The following PHF3 variants were observed in gnomAD, a reference collection of about 807,000 sequenced individuals.
PHF3 encodes PHD finger protein 3.
PHF3 carries 41 observed loss-of-function variants against 178.4 expected under a neutral mutation model. The ratio of observed to expected loss-of-function variants is 0.23; its 90% CI spans 0.18 to 0.30. The LOEUF is 0.30. Ranked by LOEUF, PHF3 falls within the 10% of genes least tolerant of loss-of-function variation. The pLI, the probability that PHF3 is intolerant of heterozygous loss-of-function variation, is 1.00. For synonymous variants in PHF3, 842 were observed against 800.5 expected (o/e 1.05, Z -0.88); for missense variants, 2,346 against 2,398.1 (o/e 0.98, Z 0.45).
rs749177977 is a variant in PHF3 at position 63,713,216 on chromosome 6, A to T, written c.5628A>T (p.Ser1876=). The part of the protein sequence containing the change: ...QRMMGPLSQA[S]RYIGPQNFYQ... Reference sequence around the variant, plus strand: ...TGATGGGTCCTCTCTCACAAGCATCAAGGTATATAGGCCCGCAGAATTTTT... The same window carrying T: ...TGATGGGTCCTCTCTCACAAGCATCTAGGTATATAGGCCCGCAGAATTTTT... Residue 1876 remains serine (S), a synonymous_variant, in exon 16 of 16, where the codon TCA becomes TCT. Transcript: ENST00000262043. 21 of 1,613,972 alleles carry T rather than the reference A, an allele frequency of 1.3e-5. No homozygotes were observed. In the South Asian group the frequency reaches 2.2e-4, roughly 17 times the overall value.
rs372006795 is a variant in PHF3, at chr6:63,713,003, T to G, written c.5415T>G (p.Leu1805=). 4.3e-6 allele frequency: 7 copies of G among 1,613,768 alleles called. No homozygotes were observed. The highest frequency in any genetic ancestry group is 5.9e-6 in the Non-Finnish European group (7 of 1,179,924). ...FSPMRPQQPN[L]QHLKSSPPGF... ...CCATGAGGCCACAGCAGCCCAACCT[T>G]CAGCATCTCAAGTCTAGCCCACCTG... The change falls in exon 16 of 16, where the codon CTT becomes CTG. Residue 1805 remains leucine (L), a synonymous_variant. Transcript: ENST00000262043.
At chr6:63,669,902 T>G (rs975629495) in intron 2 of PHF3, among the ~76,000 whole-genome samples, 1 of 152,224 alleles carries the variant, frequency 6.6e-6, no homozygotes, top group Non-Finnish European at 1.5e-5. Flanking sequence ...TTTACCTAGG[T>G]ATGTTTATCA....
intron 1 of PHF3, among the ~76,000 whole-genome samples, chr6:63,638,171 T>G (rs1047207699): frequency 2.0e-5 from 3 of 152,178 alleles, no homozygotes; most frequent in Non-Finnish European, 4.4e-5. Flanking sequence ...AACTATGTTA[T>G]TAAAATTTAA....
At chr6:63,668,033 TC>T (rs1196873433) in intron 2 of PHF3, among the ~76,000 whole-genome samples, 8 of 152,248 alleles carry the variant, frequency 5.3e-5, no homozygotes, top group African/African-American at 1.9e-4. Context: ...AATATTTATT[TC>T]CTCATCAGCC....
intron 4 of PHF3, among the ~76,000 whole-genome samples, chr6:63,690,546 A>AGT (rs1195400729): frequency 6.6e-5 from 10 of 152,276 alleles, no homozygotes; most frequent in African/African-American, 2.4e-4. Flanking sequence ...CATATCACCC[A>AGT]GTGTGTTACC....
chr6:63,659,305 A>C (rs969775703), intron 2 of PHF3, among the ~76,000 whole-genome samples: 1 of 152,208 alleles, frequency 6.6e-6, no homozygotes, highest in African/African-American at 2.4e-5. Context: ...GTAAGGTCCC[A>C]AAAACTCAGA....
At chr6:63,678,420 C>T (rs1010769619) in intron 2 of PHF3, among the ~76,000 whole-genome samples, 3 of 152,052 alleles carry the variant, frequency 2.0e-5, no homozygotes, top group African/African-American at 4.8e-5. Flanking sequence ...AAACTTTTAG[C>T]GCATAGCATA....
At position 63,686,227 on chromosome 6, in the gene PHF3, A is replaced by G. The variant is rs568094300; in HGVS notation, c.2189+316A>G. The G allele has an allele frequency of 1.1e-5, 3 of 276,740 alleles. No homozygotes were observed. In the East Asian group the frequency reaches 1.9e-4, roughly 18 times the overall value. 17.1% of individuals were successfully genotyped at this position (276,740 alleles called of 1,614,324 possible). A position where few individuals can be genotyped will look rare whatever the true frequency, so the allele number is the denominator to read the frequency against. On this transcript the variant is annotated intron_variant, in intron 4 of 15. Coordinates refer to ENST00000262043, the MANE Select transcript of PHF3 (RefSeq NM_001370348.2). ...CAAAAAAGCCAAACACTTCCTGGTAATTGGAAAATTGTTATACTGCTTTGG... is the reference window on the plus strand; with the variant it reads ...CAAAAAAGCCAAACACTTCCTGGTAGTTGGAAAATTGTTATACTGCTTTGG...
chr6:63,685,199 C>T lies in PHF3; in HGVS notation c.1477C>T (p.Pro493Ser), dbSNP rs1183631613. The stretch of plus-strand genomic sequence containing the variant: ...AAGTGTAAAATCCAAACATACAAAA[C>T]CTGTAATTCATTCTAAGCAAAACAT... ...SKSVKSKHTK[P>S]VIHSKQNMTT... The change falls in exon 4 of 16, where the codon CCT becomes TCT. Residue 493 changes from proline (P) to serine (S), a missense_variant. Pro to Ser is a moderately conservative substitution (Grantham distance 74, BLOSUM62 -1). Around this residue, in one of 8 missense-constraint regions of PHF3, gnomAD observed 843 missense variants for 795.2 expected, o/e 1.06. Transcript: ENST00000262043. The T allele has an allele frequency of 6.2e-7, 1 of 1,613,852 alleles. No individual in the cohort carries two copies. The highest frequency in any genetic ancestry group is 1.1e-5 in the South Asian group (1 of 91,072).
rs566004282 is a variant in PHF3 at position 63,698,460 on chromosome 6, C to G, written c.2837C>G (p.Ser946Ter). 6.3e-7 allele frequency: 1 copy of G among 1,591,816 alleles called. No homozygotes were observed. The highest frequency in any genetic ancestry group is 1.2e-5 in the South Asian group (1 of 86,016). The stretch of plus-strand genomic sequence containing the variant: ...GTTCTAATTTTAAGACTTACAGACT[C>G]AAATTTGAAGGTACCAGAGGAAAAG... The part of the protein sequence containing the change: ...KDILMKRLTD[S>*]NLKVPEEKAA... The change falls in exon 8 of 16, where the codon TCA (serine) becomes TGA (stop). Residue 946 changes from serine (S) to a stop codon, truncating the protein, a stop_gained. Coordinates refer to ENST00000262043, the MANE Select transcript of PHF3 (RefSeq NM_001370348.2). LOFTEE classifies it high-confidence loss of function.
intron 10 of PHF3, 35 bp downstream of exon 10, chr6:63,702,674 A>G: frequency 6.4e-7 from 1 of 1,558,636 alleles, no homozygotes; most frequent in Admixed American, 1.9e-5. Flanking sequence ...ATAGCTCAAA[A>G]CATGAAGATT....
rs1766582087 is a variant in PHF3, at chr6:63,684,430, T to A, written c.708T>A (p.Ser236=). The A allele has an allele frequency of 1.2e-6, 2 of 1,613,950 alleles. No homozygotes were observed. ...TGAAGGATGAAGATGGATTAGATTC[T>A]AAGCATAAGTGTAATAATCCGGGAG... is the stretch of plus-strand genomic sequence containing the variant. ...LEMKDEDGLD[S]KHKCNNPGEI... is the part of the protein sequence containing the mutation. The change falls in exon 4 of 16, where the codon TCT becomes TCA. Residue 236 remains serine (S), a synonymous_variant. Transcript: ENST00000262043.
chr6:63,645,355 A>G (rs1764741002), intron 1 of PHF3, among the ~76,000 whole-genome samples: 1 of 152,150 alleles, frequency 6.6e-6, no homozygotes, highest in South Asian at 2.1e-4. Flanking sequence ...CATTTTTTTA[A>G]ATAATGCGAG....
chr6:63,636,803 A>G (rs1764360343), intron 1 of PHF3: 1 of 152,212 alleles, frequency 6.6e-6, no homozygotes, highest in South Asian at 2.1e-4. Flanking sequence ...CATGTAATTT[A>G]ATGAACCACT....
intron 2 of PHF3, among the ~76,000 whole-genome samples, chr6:63,652,940 A>G (rs576039692): frequency 6.7e-6 from 1 of 149,932 alleles, no homozygotes; most frequent in South Asian, 2.1e-4. Flanking sequence ...ATAGCTTTGT[A>G]GTATATTTTG....
chr6:63,700,655 C>T (rs769930588), intron 9 of PHF3, among the ~76,000 whole-genome samples, 189 bp downstream of exon 9: 1 of 152,176 alleles, frequency 6.6e-6, no homozygotes, highest in Non-Finnish European at 1.5e-5. Flanking sequence ...ATGATCTCAG[C>T]TCACTGCAAC....
Position 63,713,602 on chromosome 6 carries a change from A to C in PHF3, c.6014A>C (p.Glu2005Ala). ...GATAAACCTAAAAGTGAAGACTATG[A>C]GAAGGACAAAGAACGAGAGAAAAGT... is the stretch of plus-strand genomic sequence containing the variant. The part of the protein sequence containing the change: ...KPDKPKSEDY[E>A]KDKEREKSKH... The change falls in exon 16 of 16, where the codon GAG (glutamate) becomes GCG (alanine). Residue 2005 changes from glutamate (E) to alanine (A), a missense_variant. Coordinates refer to ENST00000262043, the MANE Select transcript of PHF3 (RefSeq NM_001370348.2). The C allele has an allele frequency of 6.2e-7, 1 of 1,613,548 alleles. No individual in the cohort carries two copies. The highest frequency in any genetic ancestry group is 8.5e-7 in the Non-Finnish European group (1 of 1,179,804).
chr6:63,666,084 TTTAG>T (rs1324628383), intron 2 of PHF3, among the ~76,000 whole-genome samples: 3 of 152,216 alleles, frequency 2.0e-5, no homozygotes, highest in African/African-American at 7.2e-5. Flanking sequence ...TGTCTACCGC[TTTAG>T]TTATACACAC....
intron 2 of PHF3, among the ~76,000 whole-genome samples, chr6:63,665,031 A>G (rs181504563): frequency 6.6e-6 from 1 of 152,140 alleles, no homozygotes; most frequent in Admixed American, 6.5e-5. Context: ...TATGAGATCA[A>G]AATTCACTGA....
Sources: gnomAD v4.1 joint callset for allele counts (sites outside exome capture counted in the v4.1 genomes callset) on GRCh38, gnomAD v4.1.1 for gene constraint, gnomAD v4.1.1 regional missense constraint, MANE v1.5 for transcripts, NCBI Gene and HGNC (gene_info 2026-07-23, HGNC 2026-07-21) for gene names.